OSBP: variants seen among roughly 807,000 people sequenced by gnomAD.
OSBP encodes oxysterol binding protein.
In OSBP, 32 loss-of-function variants were observed where a neutral mutation model predicts 96.6. The ratio of observed to expected loss-of-function variants is 0.33; its 90% CI spans 0.25 to 0.45. The LOEUF (loss-of-function observed/expected upper bound fraction) is 0.45. Ranked by LOEUF, OSBP falls within the 20% of genes least tolerant of loss-of-function variation. The probability of loss-of-function intolerance (pLI) is 1.00; values close to 1 mark genes in which losing one functional copy is unlikely to be tolerated. For missense variants in OSBP, 653 were observed against 1,029.7 expected (o/e 0.63, Z 5.01); for synonymous variants, 369 against 389.6 (o/e 0.95, Z 0.62).
At chr11:59,598,834 C>T (rs892950255) in intron 7 of OSBP, among the ~76,000 whole-genome samples, 3 of 152,240 alleles carry the variant, frequency 2.0e-5, no homozygotes, top group Non-Finnish European at 4.4e-5. Flanking sequence ...AAGTGATGCA[C>T]GTGCCTTGGC....
intron 9 of OSBP, among the ~76,000 whole-genome samples, chr11:59,586,545 A>C (rs1028681438): frequency 6.6e-6 from 1 of 152,258 alleles, no homozygotes; most frequent in African/African-American, 2.4e-5. Flanking sequence ...CTGCAGAAAT[A>C]GAAAAACCTA....
intron 7 of OSBP, among the ~76,000 whole-genome samples, chr11:59,598,835 G>A (rs1011525540): frequency 7.2e-5 from 11 of 152,106 alleles, no homozygotes; most frequent in African/African-American, 1.7e-4. Context: ...AGTGATGCAC[G>A]TGCCTTGGCC....
At chr11:59,585,164 C>A (rs1310822882) in intron 9 of OSBP, among the ~76,000 whole-genome samples, 1 of 151,064 alleles carries the variant, frequency 6.6e-6, no homozygotes, top group African/African-American at 2.4e-5. Flanking sequence ...CGTCTCTGCC[C>A]GGCCGCCATC....
chr11:59,602,923 G>A (rs150391735), intron 3 of OSBP, among the ~76,000 whole-genome samples: 2 of 152,184 alleles, frequency 1.3e-5, no homozygotes, highest in East Asian at 1.9e-4. Flanking sequence ...CCCAGTCGTG[G>A]ACACAGATTT....
intron 12 of OSBP, 108 bp downstream of exon 12, chr11:59,578,041 G>C: frequency 5.0e-6 from 5 of 1,004,086 alleles, no homozygotes; most frequent in Non-Finnish European, 6.1e-6. Context: ...AATTTCCCTT[G>C]CTCAATTCCC....
rs973940166 is a variant in OSBP at position 59,574,783 on chromosome 11, A to G, written c.*1794T>C. The G allele has an allele frequency of 4.6e-5, 7 of 152,626 alleles. No homozygotes were observed. Among genetic ancestry groups the G allele is most frequent in the Non-Finnish European group, 7.3e-5 (5 of 68,036 alleles). 9.5% of individuals were successfully genotyped at this position (152,626 alleles called of 1,614,324 possible). Reference sequence around the variant, plus strand: ...AAGTCACTCCTCTCCCATGTTTATCACAACTAGGAAGGAAGGGATAGGGGA... The same window carrying G: ...AAGTCACTCCTCTCCCATGTTTATCGCAACTAGGAAGGAAGGGATAGGGGA... On this transcript the variant is annotated 3_prime_UTR_variant, in exon 14 of 14. Coordinates refer to ENST00000263847, the MANE Select transcript of OSBP (RefSeq NM_002556.3).
At chr11:59,597,178 C>G (rs986133209) in intron 7 of OSBP, among the ~76,000 whole-genome samples, 22 of 151,998 alleles carry the variant, frequency 1.4e-4, no homozygotes, top group African/African-American at 5.3e-4. Context: ...CCTGCCTCAG[C>G]CTCCCAAGCA....
At position 59,594,037 on chromosome 11, in the gene OSBP, C is replaced by A. The variant is rs908640685; in HGVS notation, c.1530G>T (p.Glu510Asp). 6.2e-7 allele frequency: 1 copy of A among 1,613,976 alleles called. No homozygotes were observed. Among genetic ancestry groups the A allele is most frequent in the African/African-American group, 1.3e-5 (1 of 74,920 alleles). ...GTTCACAGAGGGATCGGTACCCATT[C>A]TCCTCTAATCGGTCCAGCTCAAAGG... is the stretch of plus-strand genomic sequence containing the variant. The part of the protein sequence containing the change: ...GETFELDRLE[E>D]NGYRSLCEQV... Residue 510 changes from glutamate (E) to aspartate (D), a missense_variant, in exon 8 of 14, where the codon GAG becomes GAT. Coordinates refer to ENST00000263847, the MANE Select transcript of OSBP (RefSeq NM_002556.3).
At chr11:59,588,520 A>T (rs1193816529) in intron 9 of OSBP, among the ~76,000 whole-genome samples, 1 of 148,636 alleles carries the variant, frequency 6.7e-6, no homozygotes, top group Non-Finnish European at 1.5e-5. Flanking sequence ...TAGGTGAGAG[A>T]GTGAGACTCG....
At chr11:59,599,500 G>T (rs933186449) in intron 7 of OSBP, among the ~76,000 whole-genome samples, 1 of 151,862 alleles carries the variant, frequency 6.6e-6, no homozygotes, top group Non-Finnish European at 1.5e-5. Flanking sequence ...ATACCTAACT[G>T]AAAACTAGCG....
chr11:59,601,557 GA>G (rs1201786199), intron 4 of OSBP, 82 bp downstream of exon 4: 1 of 1,297,394 alleles, frequency 7.7e-7, no homozygotes, highest in African/African-American at 1.5e-5. Context: ...CATTGACTGT[GA>G]AGAGTTTGGA....
chr11:59,579,728 T>TC (rs1366773792), intron 11 of OSBP, among the ~76,000 whole-genome samples: 1 of 151,822 alleles, frequency 6.6e-6, no homozygotes, highest in Admixed American at 6.6e-5. Flanking sequence ...ACCTCTACTT[T>TC]TTTTTTTTTG....
rs1164674340 is a variant in OSBP, at chr11:59,576,267, G to T, written c.*310C>A. 1 of 266,622 alleles carries T rather than the reference G, an allele frequency of 3.8e-6. No homozygotes were observed. The highest frequency in any genetic ancestry group is 2.2e-5 in the African/African-American group (1 of 45,160). 16.5% of individuals were successfully genotyped at this position (266,622 alleles called of 1,614,324 possible). On this transcript the variant is annotated 3_prime_UTR_variant, in exon 14 of 14. Coordinates refer to ENST00000263847, the MANE Select transcript of OSBP (RefSeq NM_002556.3). ...AGGGTGAGTGACATTGTCTTAAATG[G>T]GGGCAGAGGGAGAAAGAAGAGCCAA...
intron 7 of OSBP, among the ~76,000 whole-genome samples, chr11:59,599,835 G>A (rs907697698): frequency 1.3e-5 from 2 of 152,200 alleles, no homozygotes; most frequent in African/African-American, 2.4e-5. Flanking sequence ...CTTGGGATGC[G>A]TGGGGTAGAG....
intron 3 of OSBP, among the ~76,000 whole-genome samples, chr11:59,602,639 A>G (rs1317615107): frequency 6.6e-6 from 1 of 152,072 alleles, no homozygotes; most frequent in East Asian, 1.9e-4. Flanking sequence ...ACTGCTCACC[A>G]TTTCTTGCAC....
intron 7 of OSBP, 39 bp from the exon 8 acceptor site, chr11:59,594,294 C>T: frequency 1.2e-6 from 2 of 1,600,800 alleles, no homozygotes; most frequent in South Asian, 2.2e-5. Flanking sequence ...TATGCTCACT[C>T]ATCTATAAGA....
At position 59,589,330 on chromosome 11, in the gene OSBP, G is replaced by A. The variant is rs141450500; in HGVS notation, c.1678+4274C>T. Among the ~76,000 whole-genome samples the A allele has an allele frequency of 8.7e-3, 1,329 of 151,892 alleles. 18 individuals are homozygous for A. The highest frequency in any genetic ancestry group is 0.031 in the African/African-American group (1,293 of 41,432). ...TGTATCTTTTTGGCCAGGCGTGGTG[G>A]TGCCTCACGCCAGTAATCCCAGCAC... is the stretch of plus-strand genomic sequence containing the variant. On this transcript the variant is annotated intron_variant, in intron 9 of 13. Transcript: ENST00000263847.
rs527442109 is a variant in OSBP, at chr11:59,589,533, G to A, written c.1678+4071C>T. ...GGAGAATTGCATGAGCCTGGGAGGCGGAGGTTGCAATAAGCAGAGATTGCA... is the reference window on the plus strand; with the variant it reads ...GGAGAATTGCATGAGCCTGGGAGGCAGAGGTTGCAATAAGCAGAGATTGCA... On this transcript the variant is annotated intron_variant, in intron 9 of 13. Transcript: ENST00000263847. Among the ~76,000 whole-genome samples, 646 of 151,706 alleles carry A rather than the reference G, an allele frequency of 4.3e-3. 2 individuals are homozygous for A. Among genetic ancestry groups the A allele is most frequent in the African/African-American group, 0.014 (597 of 41,374 alleles).
chr11:59,594,277 T>TA (rs766744505), intron 7 of OSBP, 22 bp from the exon 8 acceptor site: 1 of 1,611,180 alleles, frequency 6.2e-7, no homozygotes, highest in African/African-American at 1.3e-5. Context: ...AGAACAGATA[T>TA]AAAAACTATG....
Sources: gnomAD v4.1 joint callset for allele counts (sites outside exome capture counted in the v4.1 genomes callset) on GRCh38, gnomAD v4.1.1 for gene constraint, MANE v1.5 for transcripts, NCBI Gene and HGNC (gene_info 2026-07-23, HGNC 2026-07-21) for gene names.